The following PTP4A1 variants were observed in gnomAD, a reference collection of about 807,000 sequenced individuals.
PTP4A1 encodes protein tyrosine phosphatase type IVA 1.
In PTP4A1, 9 loss-of-function variants were observed where a neutral mutation model predicts 20.5. That is an observed-to-expected ratio of 0.44 (90% CI 0.26 to 0.77). The LOEUF is 0.77. Among genes scored for constraint, PTP4A1 ranks in the 30% least tolerant of loss-of-function variants. The pLI, the probability that PTP4A1 is intolerant of heterozygous loss-of-function variation, is 0.19. For missense variants in PTP4A1, 137 were observed against 218.8 expected (o/e 0.63, Z 2.36); for synonymous variants, 78 against 67.4 (o/e 1.16, Z -0.77).
upstream of PTP4A1, among the ~76,000 whole-genome samples, chr6:63,519,302 T>G (rs539315000): frequency 2.2e-4 from 34 of 151,680 alleles, no homozygotes; most frequent in East Asian, 6.6e-3. Flanking sequence ...GGCGAAACTC[T>G]GTCTCAAAAA....
chr6:63,544,342 C>A (rs1463045633), intron 2 of PTP4A1, among the ~76,000 whole-genome samples: 2 of 152,150 alleles, frequency 1.3e-5, no homozygotes, highest in South Asian at 4.1e-4. Flanking sequence ...TACATTATTT[C>A]TTTCTCTATA....
intron 3 of PTP4A1, among the ~76,000 whole-genome samples, chr6:63,554,679 G>A (rs1223284444): frequency 1.3e-5 from 2 of 152,092 alleles, no homozygotes; most frequent in Non-Finnish European, 2.9e-5. Context: ...CCCAGCTACT[G>A]GAGAGGCTGA....
chr6:63,577,801 C>T (rs1777964962), intron 2 of PTP4A1, among the ~76,000 whole-genome samples: 1 of 151,450 alleles, frequency 6.6e-6, no homozygotes, highest in African/African-American at 2.4e-5. Flanking sequence ...AGCCACCACG[C>T]CTGGCTGGGA....
At chr6:63,572,788 C>T in intron 1 of PTP4A1, 69 bp downstream of exon 1, 1 of 398,142 alleles carries the variant, frequency 2.5e-6, no homozygotes, top group Non-Finnish European at 4.4e-6. Context: ...CCCGCTGTCG[C>T]CTTTGTTCGG....
intron 3 of PTP4A1, among the ~76,000 whole-genome samples, chr6:63,558,046 A>G (rs1561908369): frequency 6.6e-6 from 1 of 151,774 alleles, no homozygotes; most frequent in Non-Finnish European, 1.5e-5. Context: ...TAATTTTTGT[A>G]TTTTTAGTAG....
In PTP4A1 at chr6:63,576,582, A is replaced by G. The variant is rs554251885; in HGVS notation, c.-299A>G. On this transcript the variant is annotated 5_prime_UTR_variant, in exon 2 of 6. Transcript: ENST00000626021. ...CCAAGAAGCCCCCATAAGAGTGGTTATCCTGGACACAGAAGTGTTGAATTG... is the reference window on the plus strand; with the variant it reads ...CCAAGAAGCCCCCATAAGAGTGGTTGTCCTGGACACAGAAGTGTTGAATTG... The G allele has an allele frequency of 1.1e-5, 5 of 464,780 alleles. No homozygotes were observed. Among genetic ancestry groups the G allele is most frequent in the African/African-American group, 1.0e-4 (5 of 49,456 alleles). 28.8% of individuals were successfully genotyped at this position (464,780 alleles called of 1,614,324 possible).
intron 1 of PTP4A1, among the ~76,000 whole-genome samples, chr6:63,525,190 T>C (rs1016738974): frequency 1.3e-5 from 2 of 152,210 alleles, no homozygotes; most frequent in African/African-American, 2.4e-5. Context: ...AAATTCTCAA[T>C]TGTAAATAAG....
rs185436177 is a variant in PTP4A1, at chr6:63,560,496, G to A, written c.-446+10003G>A. 1.3e-4 allele frequency among the ~76,000 whole-genome samples: 20 copies of A among 149,816 alleles called. No individual in the cohort carries two copies. The East Asian group carries it at 2.8e-3, about 21-fold the overall frequency. On this transcript the variant is annotated intron_variant, in intron 3 of 3. Coordinates refer to the PTP4A1 transcript ENST00000639568. ...AGACTCACTGCAACCTCTGCCTCCC[G>A]AGTTCAAGTGATTCTCCTGCCTCAG...
intron 3 of PTP4A1, among the ~76,000 whole-genome samples, chr6:63,566,197 G>A (rs1054524058): frequency 1.3e-5 from 2 of 152,220 alleles, no homozygotes; most frequent in Non-Finnish European, 2.9e-5. Context: ...GACAGGGCTG[G>A]TTTGAGATTT....
At chr6:63,557,058 T>C (rs1286509077) in intron 3 of PTP4A1, among the ~76,000 whole-genome samples, 2 of 152,212 alleles carry the variant, frequency 1.3e-5, no homozygotes, top group East Asian at 3.8e-4. Context: ...TAAATACTTA[T>C]TATGTGCCAA....
At chr6:63,526,089 C>A (rs773169699) in intron 1 of PTP4A1, among the ~76,000 whole-genome samples, 30 of 152,010 alleles carry the variant, frequency 2.0e-4, no homozygotes, top group Non-Finnish European at 4.3e-4. Context: ...TTTTAGGAGG[C>A]CAAGGCGGGC....
chr6:63,567,211 C>T (rs979741961), intron 3 of PTP4A1, among the ~76,000 whole-genome samples: 2 of 152,200 alleles, frequency 1.3e-5, no homozygotes, highest in Admixed American at 1.3e-4. Context: ...TTCTTAATGG[C>T]ATCTAGAATC....
chr6:63,535,666 C>T (rs1263956832), intron 2 of PTP4A1, among the ~76,000 whole-genome samples: 1 of 152,068 alleles, frequency 6.6e-6, no homozygotes, highest in Admixed American at 6.5e-5. Flanking sequence ...CTTAGAGCAA[C>T]ATCATAAACA....
upstream of PTP4A1, chr6:63,571,645 A>C (rs1310992458): frequency 6.6e-6 from 1 of 152,240 alleles, no homozygotes; most frequent in Admixed American, 6.5e-5. Context: ...CTAACCTTTC[A>C]TTATCTGAGA....
chr6:63,572,670 G>A lies in PTP4A1; in HGVS notation c.-495G>A. 2.4e-6 allele frequency: 1 copy of A among 410,082 alleles called. No homozygotes were observed. The highest frequency in any genetic ancestry group is 4.3e-6 in the Non-Finnish European group (1 of 234,702). 25.4% of individuals were successfully genotyped at this position (410,082 alleles called of 1,614,324 possible). ...CACCGCCTGTGTCGCCGCCGCCTCGGGACCGGCTGTATGATTAGGCCACAA... is the reference window on the plus strand; with the variant it reads ...CACCGCCTGTGTCGCCGCCGCCTCGAGACCGGCTGTATGATTAGGCCACAA... On this transcript the variant is annotated 5_prime_UTR_variant, in exon 1 of 6. Transcript: ENST00000626021.
intron 2 of PTP4A1, chr6:63,549,274 C>T: frequency 1.3e-6 from 1 of 752,952 alleles, no homozygotes; most frequent in Non-Finnish European, 2.4e-6. Context: ...TGGTTAATCT[C>T]AGGAGGCACT....
intron 1 of PTP4A1, among the ~76,000 whole-genome samples, chr6:63,573,049 C>T (rs1018514954): frequency 2.0e-5 from 3 of 152,066 alleles, no homozygotes; most frequent in African/African-American, 7.2e-5. Context: ...GCTTCCGCAG[C>T]GGGCCGGGTG....
At position 63,529,137 on chromosome 6, in the gene PTP4A1, G is replaced by GTA. The variant is rs1158465483; in HGVS notation, c.-640+1063_-640+1064dup. Among the ~76,000 whole-genome samples, 46 of 136,792 alleles carry GTA rather than the reference G, an allele frequency of 3.4e-4. 1 individual carries two copies. The highest frequency in any genetic ancestry group is 8.0e-4 in the African/African-American group (29 of 36,360). 89.7% of individuals were successfully genotyped at this position (136,792 alleles called of 152,430 possible). A position where few individuals can be genotyped will look rare whatever the true frequency, so the allele number is the denominator to read the frequency against. On this transcript the variant is annotated intron_variant, in intron 2 of 3. Coordinates refer to the PTP4A1 transcript ENST00000639568. ...TATATATATGTATATATATGTGTGT[G>GTA]TATATATATATGTATATATATGTGT...
chr6:63,546,050 A>G (rs1776168612), intron 2 of PTP4A1, among the ~76,000 whole-genome samples: 1 of 151,352 alleles, frequency 6.6e-6, no homozygotes, highest in Admixed American at 6.6e-5. Flanking sequence ...TGAAATCAGT[A>G]TGTTGAAGAG....
Sources: gnomAD v4.1 joint callset for allele counts (sites outside exome capture counted in the v4.1 genomes callset) on GRCh38, gnomAD v4.1.1 for gene constraint, MANE v1.5 for transcripts, NCBI Gene and HGNC (gene_info 2026-07-23, HGNC 2026-07-21) for gene names.